VTI1A: variants seen among roughly 807,000 people sequenced by gnomAD.
The protein encoded by VTI1A is vesicle transport through interaction with t-SNAREs 1A.
A neutral mutation model predicts 34.9 loss-of-function variants in VTI1A; 22 were observed. The observed-to-expected ratio is 0.63, with a 90% CI of 0.45 to 0.90. VTI1A has a LOEUF of 0.90. VTI1A is among the 40% of genes least tolerant of loss of function. VTI1A has a pLI of 0.00. For synonymous variants in VTI1A, 87 were observed against 97.3 expected, an observed-to-expected ratio of 0.89 and a Z score of 0.62; for missense variants, 268 against 275.6, an observed-to-expected ratio of 0.97 and a Z score of 0.20.
the VTI1A span, among the ~76,000 whole-genome samples, chr10:112,842,986 G>A: frequency 6.6e-6 from 1 of 152,200 alleles, no homozygotes; most frequent in African/African-American, 2.4e-5. Context: ...GTGATTTACG[G>A]GAGCTCACCC....
chr10:112,853,643 C>A, the VTI1A span, among the ~76,000 whole-genome samples: 1 of 152,212 alleles, frequency 6.6e-6, no homozygotes, highest in Non-Finnish European at 1.5e-5. Context: ...GACCTCTCTG[C>A]TTTTCAAGCA....
At chr10:112,734,640 T>C (rs1850388533) in intron 7 of VTI1A, among the ~76,000 whole-genome samples, 1 of 148,622 alleles carries the variant, frequency 6.7e-6, no homozygotes, top group African/African-American at 2.6e-5. Flanking sequence ...ATTGTATAAG[T>C]CCTCAATAAA....
intron 3 of VTI1A, among the ~76,000 whole-genome samples, chr10:112,504,182 A>G (rs1173159967): frequency 2.0e-5 from 3 of 152,190 alleles, no homozygotes; most frequent in Non-Finnish European, 4.4e-5. Flanking sequence ...AAATGATTAC[A>G]GTTATGATGA....
intron 5 of VTI1A, among the ~76,000 whole-genome samples, chr10:112,654,503 T>C (rs1847153775): frequency 6.6e-6 from 1 of 152,140 alleles, no homozygotes; most frequent in African/African-American, 2.4e-5. Context: ...TATTTATTTA[T>C]TTATTTTTTG....
intron 3 of VTI1A, among the ~76,000 whole-genome samples, chr10:112,513,781 T>C (rs1224348182): frequency 6.6e-6 from 1 of 152,058 alleles, no homozygotes. Context: ...TTTCTGTGCA[T>C]TCATTGAGAT....
chr10:112,718,725 TCA>T (rs1243340818), intron 7 of VTI1A, among the ~76,000 whole-genome samples: 7 of 152,224 alleles, frequency 4.6e-5, no homozygotes, highest in African/African-American at 1.4e-4. Context: ...TGCTACCCTT[TCA>T]TAAAGCTAAG....
At chr10:112,697,303 C>G (rs1848824501) in intron 7 of VTI1A, among the ~76,000 whole-genome samples, 1 of 151,488 alleles carries the variant, frequency 6.6e-6, no homozygotes, top group Admixed American at 6.6e-5. Flanking sequence ...AAGTGATTGT[C>G]TTGCCTCAGC....
chr10:112,755,738 A>G (rs1851261239), intron 7 of VTI1A, among the ~76,000 whole-genome samples: 1 of 152,236 alleles, frequency 6.6e-6, no homozygotes, highest in South Asian at 2.1e-4. Flanking sequence ...ACAAAAAATA[A>G]TAAACATACT....
chr10:112,668,845 A>G, intron 6 of VTI1A, 92 bp from the exon 7 acceptor site: 1 of 1,340,544 alleles, frequency 7.5e-7, no homozygotes, highest in Non-Finnish European at 1.0e-6. Context: ...TATTGTTTGG[A>G]TTTTCTATCA....
intron 7 of VTI1A, among the ~76,000 whole-genome samples, chr10:112,732,561 T>C (rs1850303312): frequency 6.6e-6 from 1 of 152,226 alleles, no homozygotes; most frequent in South Asian, 2.1e-4. Flanking sequence ...CTTTGCAATG[T>C]TCTTCATGGT....
downstream of VTI1A, among the ~76,000 whole-genome samples, chr10:112,821,661 T>A (rs1853657886): frequency 6.6e-6 from 1 of 152,156 alleles, no homozygotes; most frequent in Non-Finnish European, 1.5e-5. Flanking sequence ...CATTTTCGCG[T>A]TACTCTCCCC....
rs372482516 is a variant in VTI1A at position 112,531,413 on chromosome 10, C to T, written c.342+4249C>T. ...AAATCACGACTTACAGTCCAGTCTACGCATTGTTAATTTTCAGAAATAGGC... is the reference window on the plus strand; with the variant it reads ...AAATCACGACTTACAGTCCAGTCTATGCATTGTTAATTTTCAGAAATAGGC... On this transcript the variant is annotated intron_variant, in intron 4 of 7. Coordinates refer to ENST00000393077, the MANE Select transcript of VTI1A (RefSeq NM_145206.4). Among the ~76,000 whole-genome samples, 8 of 150,778 alleles carry T rather than the reference C, an allele frequency of 5.3e-5. No homozygotes were observed. The South Asian group carries it at 8.3e-4, about 16-fold the overall frequency.
At chr10:112,667,368 A>C (rs1254706922) in intron 5 of VTI1A, among the ~76,000 whole-genome samples, 1 of 152,116 alleles carries the variant, frequency 6.6e-6, no homozygotes, top group Non-Finnish European at 1.5e-5. Context: ...GAGTCTGAAA[A>C]CGATTTATTC....
chr10:112,851,065 A>AGAT, the VTI1A span, among the ~76,000 whole-genome samples: 1 of 152,230 alleles, frequency 6.6e-6, no homozygotes, highest in Non-Finnish European at 1.5e-5. Context: ...TTCACATGGA[A>AGAT]GATTGGCTTT....
At chr10:112,724,977 G>A (rs940318228) in intron 7 of VTI1A, among the ~76,000 whole-genome samples, 6 of 152,014 alleles carry the variant, frequency 3.9e-5, no homozygotes, top group African/African-American at 1.5e-4. Context: ...AATCCCAGAT[G>A]TCTGATTTTA....
chr10:112,650,334 C>T (rs192491636), intron 5 of VTI1A, among the ~76,000 whole-genome samples: 52 of 152,290 alleles, frequency 3.4e-4, no homozygotes, highest in African/African-American at 1.2e-3. Flanking sequence ...CTTCTACCCG[C>T]ACAACTTGTC....
chr10:112,449,997 C>G (rs1057360369), intron 1 of VTI1A: 1 of 151,966 alleles, frequency 6.6e-6, no homozygotes, highest in Non-Finnish European at 1.5e-5. Flanking sequence ...CCTCACGGCT[C>G]AAGTCTACTC....
chr10:112,464,274 G>T (rs113851979), intron 2 of VTI1A, among the ~76,000 whole-genome samples: 1,555 of 152,346 alleles, frequency 0.01, 20 homozygotes, highest in African/African-American at 0.036. Context: ...TTGGGATGAT[G>T]GGCGTGAGCC....
intron 5 of VTI1A, among the ~76,000 whole-genome samples, chr10:112,553,662 C>T (rs1851445427): frequency 6.6e-6 from 1 of 152,192 alleles, no homozygotes; most frequent in South Asian, 2.1e-4. Context: ...CTTTGGTGTC[C>T]TTTACCTTTA....
Sources: allele counts gnomAD v4.1 joint callset (sites outside exome capture counted in the v4.1 genomes callset), GRCh38; gene constraint gnomAD v4.1.1; transcripts MANE v1.5; gene names NCBI Gene and HGNC (gene_info 2026-07-23, HGNC 2026-07-21).